Variants in REG1A observed in about 807,000 individuals in gnomAD.
REG1A encodes the protein lithostathine-1-alpha.
In REG1A, 20 loss-of-function variants were observed where a neutral mutation model predicts 20.7. That is an observed-to-expected ratio of 0.97 (90% confidence interval 0.68 to 1.41). The LOEUF is 1.41. Among genes scored for constraint, REG1A ranks in the 40% most tolerant of loss-of-function variants. The pLI is 0.00. For synonymous variants in REG1A, 90 were observed against 71.6 expected (o/e 1.26, Z -1.30); for missense variants, 193 against 201.8 (o/e 0.96, Z 0.26).
At chr2:79,121,078 C>T (rs2104062799) in intron 2 of REG1A, among the ~76,000 whole-genome samples, 153 bp downstream of exon 2, 1 of 151,134 alleles carries the variant, frequency 6.6e-6, no homozygotes, top group Admixed American at 6.6e-5. Context: ...CTGATCTCTT[C>T]ACATTTATAT....
intron 5 of REG1A, 64 bp from the exon 6 acceptor site, chr2:79,123,084 C>T: frequency 6.7e-7 from 1 of 1,490,910 alleles, no homozygotes; most frequent in Non-Finnish European, 9.3e-7. Context: ...GTCCTGAGTC[C>T]TAAAGCCAGG....
intron 4 of REG1A, chr2:79,122,332 A>G (rs1672900069): frequency 1.8e-6 from 1 of 545,036 alleles, no homozygotes; most frequent in Non-Finnish European, 3.2e-6. Flanking sequence ...CTTGTCATTC[A>G]TGAATAAACT....
In REG1A at chr2:79,122,046, G is replaced by T; in HGVS notation, c.242G>T (p.Gly81Val). Reference protein sequence around the residue: ...NLVSVLTQAEGAFVASLIKES... With the variant: ...NLVSVLTQAEVAFVASLIKES... Reference sequence around the variant, plus strand: ...GTGTCTGTGCTCACCCAGGCCGAGGGTGCCTTTGTGGCCTCACTGATTAAG... The same window carrying T: ...GTGTCTGTGCTCACCCAGGCCGAGGTTGCCTTTGTGGCCTCACTGATTAAG... The change falls in exon 4 of 6, where the codon GGT becomes GTT. Residue 81 changes from glycine (G) to valine (V), a missense_variant. Coordinates refer to ENST00000233735, the MANE Select transcript of REG1A (RefSeq NM_002909.5). 1 of 1,614,070 alleles carries T rather than the reference G, an allele frequency of 6.2e-7. No homozygotes were observed. The highest frequency in any genetic ancestry group is 8.5e-7 in the Non-Finnish European group (1 of 1,180,004).
chr2:79,122,957 G>A lies in REG1A; in HGVS notation c.433+5G>A. ...TGAGCCTGACCTCAAGCACAGGTGA[G>A]AGGCAGAGAATCCATCCACCTGTTT... is the stretch of plus-strand genomic sequence containing the variant. On this transcript the variant is annotated splice_donor_5th_base_variant and intron_variant, in intron 5 of 5. Coordinates refer to ENST00000233735, the MANE Select transcript of REG1A (RefSeq NM_002909.5). The A allele has an allele frequency of 6.2e-7, 1 of 1,609,514 alleles. No individual in the cohort carries two copies. The highest frequency in any genetic ancestry group is 8.5e-7 in the Non-Finnish European group (1 of 1,175,826).
chr2:79,121,103 T>C (rs1250734581), intron 2 of REG1A, among the ~76,000 whole-genome samples, 178 bp downstream of exon 2: 1 of 152,144 alleles, frequency 6.6e-6, no homozygotes, highest in East Asian at 1.9e-4. Context: ...CCACACCTCA[T>C]TAAGGAGTTG....
In REG1A at chr2:79,123,022, T is replaced by C. The variant is rs1672910141; in HGVS notation, c.433+70T>C. 6.7e-6 allele frequency: 10 copies of C among 1,484,096 alleles called. No individual in the cohort carries two copies. The East Asian group carries it at 2.0e-4, about 30-fold the overall frequency. The allele number at this position is 1,484,096 out of a possible 1,614,324, so 91.9% of individuals were successfully genotyped here. A position where few individuals can be genotyped will look rare whatever the true frequency, so the allele number is the denominator to read the frequency against. ...TTAGCTCCAGGGATGGAACTGGGAC[T>C]GGGATAGAGGAAAGGTGAACTCCTC... On this transcript the variant is annotated intron_variant, in intron 5 of 5. Transcript: ENST00000233735.
At chr2:79,122,992 C>T (rs780991630) in intron 5 of REG1A, 40 bp downstream of exon 5, 2 of 1,558,798 alleles carry the variant, frequency 1.3e-6, no homozygotes, top group African/African-American at 1.4e-5. Flanking sequence ...TCTGTTCTCT[C>T]CTGCTTAGCT....
intron 4 of REG1A, 126 bp from the exon 5 acceptor site, chr2:79,122,715 A>C: frequency 1.4e-6 from 1 of 713,836 alleles, no homozygotes; most frequent in South Asian, 1.7e-5. Context: ...AAAGGAAAGG[A>C]AACAATATTT....
intron 1 of REG1A, 68 bp from the exon 2 acceptor site, chr2:79,120,748 T>A: frequency 2.9e-6 from 2 of 699,846 alleles, no homozygotes; most frequent in Non-Finnish European, 2.2e-6. Context: ...TGAGAGGAGG[T>A]TTTAAGGAAG....
rs781424440 is a variant in REG1A at position 79,121,477 on chromosome 2, A to G, written c.65-85A>G. On this transcript the variant is annotated intron_variant, in intron 2 of 5. Transcript: ENST00000233735. ...TAATAGACTGGATTCTTCTGTTTCT[A>G]TAAAGGAACCTCAGAAGCTCTTACC... 2.8e-6 allele frequency: 3 copies of G among 1,056,822 alleles called. No homozygotes were observed. The African/African-American group carries it at 4.7e-5, about 17-fold the overall frequency. The allele number at this position is 1,056,822 out of a possible 1,614,324, so 65.5% of individuals were successfully genotyped here. A position where few individuals can be genotyped will look rare whatever the true frequency, so the allele number is the denominator to read the frequency against.
intron 2 of REG1A, among the ~76,000 whole-genome samples, chr2:79,121,192 G>A (rs1255495880): frequency 1.3e-5 from 2 of 152,146 alleles, no homozygotes; most frequent in Non-Finnish European, 2.9e-5. Context: ...TATACGTGAT[G>A]GTGGATTTGG....
Position 79,120,933 on chromosome 2 carries a change from C to G in REG1A, c.64+8C>G. 6.2e-7 allele frequency: 1 copy of G among 1,611,116 alleles called. No individual in the cohort carries two copies. On this transcript the variant is annotated splice_region_variant and intron_variant, in intron 2 of 5. Coordinates refer to ENST00000233735, the MANE Select transcript of REG1A (RefSeq NM_002909.5). ...TTCTGTCTCAGAGCCAAGGTAAGAT[C>G]TCTTTTCCACCAACCAACTCTTTCT...
chr2:79,121,435 A>G (rs1005969530), intron 2 of REG1A, 127 bp from the exon 3 acceptor site: 1 of 755,064 alleles, frequency 1.3e-6, no homozygotes. Flanking sequence ...CAGGAGCAAT[A>G]GTGAGCAGTC....
intron 4 of REG1A, among the ~76,000 whole-genome samples, chr2:79,122,564 T>A (rs1236200864): frequency 6.6e-6 from 1 of 151,924 alleles, no homozygotes; most frequent in Non-Finnish European, 1.5e-5. Flanking sequence ...GATATGAGGG[T>A]CCTGGGCCAC....
At chr2:79,122,468 C>T (rs1049662124) in intron 4 of REG1A, among the ~76,000 whole-genome samples, 2 of 152,116 alleles carry the variant, frequency 1.3e-5, no homozygotes, top group African/African-American at 4.8e-5. Context: ...TAAAAATCTG[C>T]TGCTGTACTG....
intron 3 of REG1A, 51 bp from the exon 4 acceptor site, chr2:79,121,937 A>T: frequency 6.2e-7 from 1 of 1,605,504 alleles, no homozygotes; most frequent in Non-Finnish European, 8.5e-7. Context: ...GACTCAGTAT[A>T]TCCGTCACAA....
chr2:79,121,087 A>G (rs192054590), intron 2 of REG1A, among the ~76,000 whole-genome samples, 162 bp downstream of exon 2: 317 of 151,918 alleles, frequency 2.1e-3, no homozygotes, highest in Non-Finnish European at 3.7e-3. Flanking sequence ...TCACATTTAT[A>G]TACATCCACA....
rs147143857 is a variant in REG1A at position 79,123,032 on chromosome 2, G to A, written c.433+80G>A. On this transcript the variant is annotated intron_variant, in intron 5 of 5. Transcript: ENST00000233735. ...GGATGGAACTGGGACTGGGATAGAG[G>A]AAAGGTGAACTCCTCATTAAGGAAA... 101 of 1,462,436 alleles carry A rather than the reference G, an allele frequency of 6.9e-5. No individual in the cohort carries two copies. In the African/African-American group the frequency reaches 1.3e-3, roughly 19 times the overall value. The allele number at this position is 1,462,436 out of a possible 1,614,324, so 90.6% of individuals were successfully genotyped here. A position where few individuals can be genotyped will look rare whatever the true frequency, so the allele number is the denominator to read the frequency against.
Position 79,122,950 on chromosome 2 carries a change from C to T in REG1A, c.431C>T (p.Thr144Ile). 1 of 1,612,660 alleles carries T rather than the reference C, an allele frequency of 6.2e-7. No individual in the cohort carries two copies. Among genetic ancestry groups the T allele is most frequent in the Non-Finnish European group, 8.5e-7 (1 of 1,178,690 alleles). ...PGYCVSLTSSTGFQKWKDVPC... is the reference protein window; with the variant it reads ...PGYCVSLTSSIGFQKWKDVPC... ...TACTGTGTGAGCCTGACCTCAAGCA[C>T]AGGTGAGAGGCAGAGAATCCATCCA... The change falls in exon 5 of 6, where the codon ACA becomes ATA. Residue 144 changes from threonine (T) to isoleucine (I), a missense_variant and splice_region_variant. Physicochemically the swap from Thr to Ile is moderately conservative, Grantham distance 89. Transcript: ENST00000233735.
Sources: gnomAD v4.1 joint callset for allele counts (sites outside exome capture counted in the v4.1 genomes callset) on GRCh38, gnomAD v4.1.1 for gene constraint, MANE v1.5 for transcripts, NCBI Gene and HGNC (gene_info 2026-07-23, HGNC 2026-07-21) for gene names.